NLRP12: variants seen among roughly 807,000 people sequenced by gnomAD.
The protein encoded by NLRP12 is NLR family pyrin domain containing 12.
A neutral mutation model predicts 91.2 loss-of-function variants in NLRP12; 108 were observed. That is an observed-to-expected ratio of 1.18 (90% CI 1.01 to 1.39). The LOEUF (loss-of-function observed/expected upper bound fraction) is 1.39, where lower values mean the gene tolerates loss of function less well. Ranked by LOEUF, NLRP12 falls within the 40% of genes most tolerant of loss-of-function variation. NLRP12 has a pLI of 0.00. For synonymous variants in NLRP12, 613 were observed against 566.7 expected, an observed-to-expected ratio of 1.08 and a Z score of -1.16; for missense variants, 1,530 against 1,352.7, an observed-to-expected ratio of 1.13 and a Z score of -2.06.
chr19:53,820,894 C>T (rs1009188180), intron 1 of NLRP12, among the ~76,000 whole-genome samples: 7 of 151,848 alleles, frequency 4.6e-5, no homozygotes, highest in African/African-American at 1.7e-4. Flanking sequence ...AAAAACAATT[C>T]CACAGCTCAA....
At position 53,809,869 on chromosome 19, in the gene NLRP12, C is replaced by T. The variant is rs748314396; in HGVS notation, c.1790G>A (p.Ser597Asn). ...GGTGGAGCCGTCGCTCTGAGCTTTGCTTTGGATCCACTGCAACAGGTCCAT... is the reference window on the plus strand; with the variant it reads ...GGTGGAGCCGTCGCTCTGAGCTTTGTTTTGGATCCACTGCAACAGGTCCAT... Reference protein sequence around the residue: ...IKMDLLQWIQSKAQSDGSTLQ... With the variant: ...IKMDLLQWIQNKAQSDGSTLQ... Residue 597 changes from serine (S) to asparagine (N), a missense_variant, in exon 3 of 10, where the codon AGC (serine) becomes AAC (asparagine). Physicochemically the swap from Ser to Asn is conservative, Grantham distance 46. Coordinates refer to ENST00000324134, the MANE Select transcript of NLRP12 (RefSeq NM_144687.4). 144 of 1,614,028 alleles carry T rather than the reference C, an allele frequency of 8.9e-5. No homozygotes were observed. Among genetic ancestry groups the T allele is most frequent in the Non-Finnish European group, 1.2e-4 (137 of 1,180,050 alleles).
chr19:53,817,838 G>C (rs1337559036), intron 1 of NLRP12, among the ~76,000 whole-genome samples: 2 of 151,874 alleles, frequency 1.3e-5, no homozygotes, highest in African/African-American at 2.4e-5. Context: ...TGTCGTCCAG[G>C]CTGGTGTGAT....
At chr19:53,800,556 T>C (rs2122555129) in intron 7 of NLRP12, among the ~76,000 whole-genome samples, 1 of 150,126 alleles carries the variant, frequency 6.7e-6, no homozygotes, top group East Asian at 2.0e-4. Flanking sequence ...GAATTGCTTG[T>C]GCAAAGGGCC....
chr19:53,813,299 C>CTTTTTTTTTTTTTTTTTTTTTTTTTTT (rs1160039078), intron 2 of NLRP12, among the ~76,000 whole-genome samples: 5 of 86,034 alleles, frequency 5.8e-5, no homozygotes, highest in African/African-American at 1.9e-4. Flanking sequence ...TTTTTCTTTT[C>CTTTTTTTTTTTTTTTTTTTTTTTTTTT]TTTTTTTTTT....
chr19:53,796,748 G>A (rs1025699423), intron 8 of NLRP12, among the ~76,000 whole-genome samples: 6 of 151,656 alleles, frequency 4.0e-5, no homozygotes, highest in Admixed American at 6.6e-5. Context: ...TGTAATTCCA[G>A]CACTTTGGGA....
chr19:53,800,564 G>A (rs982064937), intron 7 of NLRP12, among the ~76,000 whole-genome samples: 1 of 149,530 alleles, frequency 6.7e-6, no homozygotes, highest in Non-Finnish European at 1.5e-5. Flanking sequence ...TGTGCAAAGG[G>A]CCGTGCGTCA....
intron 6 of NLRP12, among the ~76,000 whole-genome samples, chr19:53,802,053 C>A (rs1182413661): frequency 2.0e-5 from 3 of 151,840 alleles, no homozygotes; most frequent in Non-Finnish European, 4.4e-5. Context: ...CATGGTGAAA[C>A]CCCGTCTCTA....
At chr19:53,807,772 C>A in intron 3 of NLRP12, 107 bp from the exon 4 acceptor site, 1 of 1,326,954 alleles carries the variant, frequency 7.5e-7, no homozygotes, top group Non-Finnish European at 1.1e-6. Context: ...TTTTTTGAGA[C>A]GGAGTTTCGC....
At chr19:53,820,764 C>T (rs1282270645) in intron 1 of NLRP12, among the ~76,000 whole-genome samples, 4 of 148,284 alleles carry the variant, frequency 2.7e-5, no homozygotes, top group South Asian at 2.1e-4. Context: ...CTCAGCTCAC[C>T]GCAAGCTCTG....
intron 2 of NLRP12, among the ~76,000 whole-genome samples, chr19:53,813,323 GAC>G (rs2092109441): frequency 1.9e-5 from 1 of 52,848 alleles, no homozygotes; most frequent in Admixed American, 2.9e-4. Flanking sequence ...TTTTTTTTGA[GAC>G]AGAGTCTTGC....
rs141711127 is a variant in NLRP12, at chr19:53,809,616, G to A, written c.2043C>T (p.Ser681=). Reference sequence around the variant, plus strand: ...GCACCAACAGCGTGTGCGCTCCTGCGGAGCACCTCGCGCGGTCTTCCCCGT... The same window carrying A: ...GCACCAACAGCGTGTGCGCTCCTGCAGAGCACCTCGCGCGGTCTTCCCCGT... ...SADGEDRARC[S]AGAHTLLVQL... The change falls in exon 3 of 10, where the codon TCC becomes TCT. Residue 681 remains serine, a synonymous_variant. Coordinates refer to ENST00000324134, the MANE Select transcript of NLRP12 (RefSeq NM_144687.4). 2.5e-5 allele frequency: 40 copies of A among 1,612,750 alleles called. No homozygotes were observed. The highest frequency in any genetic ancestry group is 1.7e-4 in the Middle Eastern group (1 of 5,942).
chr19:53,817,322 C>T (rs929630465), intron 1 of NLRP12, among the ~76,000 whole-genome samples: 11 of 151,544 alleles, frequency 7.3e-5, no homozygotes, highest in African/African-American at 9.7e-5. Flanking sequence ...CCCAGCTACT[C>T]GGGAGGCTGA....
At chr19:53,809,088 T>C (rs978161632) in intron 3 of NLRP12, among the ~76,000 whole-genome samples, 1 of 151,916 alleles carries the variant, frequency 6.6e-6, no homozygotes, top group African/African-American at 2.4e-5. Context: ...TATCCTGGCA[T>C]GGTGATGGGC....
In NLRP12 at chr19:53,811,184, G is replaced by T. The variant is rs772779207; in HGVS notation, c.475C>A (p.Arg159=). 5.0e-6 allele frequency: 8 copies of T among 1,614,032 alleles called. No homozygotes were observed. The East Asian group carries it at 1.1e-4, about 22-fold the overall frequency. ...GAGTGCTCCTTCACCAGCAGGAGCC[G>T]GGTGTACCGGTGGCTGAGGTTGACA... ...ECVNLSHRYT[R]LLLVKEHSNP... Residue 159 remains arginine, a synonymous_variant, in exon 3 of 10, where the codon CGG becomes AGG. Transcript: ENST00000324134.
At chr19:53,813,298 TC>T (rs1568685969) in intron 2 of NLRP12, among the ~76,000 whole-genome samples, 14 of 129,138 alleles carry the variant, frequency 1.1e-4, no homozygotes, top group Non-Finnish European at 1.6e-4. Context: ...TTTTTTCTTT[TC>T]TTTTTTTTTT....
chr19:53,821,189 C>T (rs1298427575), intron 1 of NLRP12, among the ~76,000 whole-genome samples: 1 of 151,706 alleles, frequency 6.6e-6, no homozygotes, highest in Admixed American at 6.6e-5. Flanking sequence ...GCGCCCGCCA[C>T]CACACCCGGC....
At chr19:53,804,515 C>G (rs1162667822) in intron 5 of NLRP12, among the ~76,000 whole-genome samples, 1 of 149,548 alleles carries the variant, frequency 6.7e-6, no homozygotes, top group African/African-American at 2.4e-5. Context: ...TTTCATACCT[C>G]AGTCTCGAGT....
chr19:53,799,242 C>G (rs2091825929), intron 7 of NLRP12, among the ~76,000 whole-genome samples: 2 of 149,220 alleles, frequency 1.3e-5, no homozygotes, highest in East Asian at 4.0e-4. Flanking sequence ...CATCTCTTGA[C>G]CTCGTGATCC....
intron 2 of NLRP12, 87 bp from the exon 3 acceptor site, chr19:53,811,375 A>G (rs2092073870): frequency 5.4e-6 from 8 of 1,478,806 alleles, no homozygotes; most frequent in Non-Finnish European, 7.5e-6. Flanking sequence ...ATGTGGCTCA[A>G]AGAAGGTGTG....
Sources: allele counts gnomAD v4.1 joint callset (sites outside exome capture counted in the v4.1 genomes callset), GRCh38; gene constraint gnomAD v4.1.1; transcripts MANE v1.5; gene names NCBI Gene and HGNC (gene_info 2026-07-23, HGNC 2026-07-21).